Variants in USP30 observed in about 807,000 individuals in gnomAD.
USP30 encodes the protein ubiquitin specific peptidase 30.
Under a neutral mutation model 68.2 loss-of-function variants are expected in USP30, and 41 were observed. That is an observed-to-expected ratio of 0.60 (90% CI 0.47 to 0.78). The LOEUF is 0.78. Among genes scored for constraint, USP30 ranks in the 30% least tolerant of loss-of-function variants. The pLI is 0.00. For missense variants in USP30, 522 were observed against 649.4 expected, an observed-to-expected ratio of 0.80 and a Z score of 2.13; for synonymous variants, 229 against 253.7, an observed-to-expected ratio of 0.90 and a Z score of 0.93.
chr12:109,059,831 T>G (rs1040965434), intron 3 of USP30, among the ~76,000 whole-genome samples: 1 of 152,162 alleles, frequency 6.6e-6, no homozygotes, highest in Non-Finnish European at 1.5e-5. Context: ...TTAAACCAAC[T>G]TTTTGACTGT....
intron 3 of USP30, among the ~76,000 whole-genome samples, chr12:109,045,985 AGT>A (rs1274175262): frequency 6.6e-6 from 1 of 151,426 alleles, no homozygotes; most frequent in Non-Finnish European, 1.5e-5. Flanking sequence ...AAATCTATAG[AGT>A]GTGCCAGAAA....
rs1444582175 is a variant in USP30, at chr12:109,058,138, T to C, written c.376+30T>C. On this transcript the variant is annotated intron_variant, in intron 3 of 12. Coordinates refer to ENST00000257548, the MANE Select transcript of USP30 (RefSeq NM_032663.5). ...CTAGATGGGAATTTCAAGGGAATTATGTACCTTTTCAAAGAAGTCCAGATG... is the reference window on the plus strand; with the variant it reads ...CTAGATGGGAATTTCAAGGGAATTACGTACCTTTTCAAAGAAGTCCAGATG... The C allele has an allele frequency of 2.5e-6, 4 of 1,572,320 alleles. No individual in the cohort carries two copies. In the South Asian group the frequency reaches 4.7e-5, roughly 18 times the overall value.
At chr12:109,034,759 C>A (rs1478664302) in intron 3 of USP30, among the ~76,000 whole-genome samples, 1 of 152,086 alleles carries the variant, frequency 6.6e-6, no homozygotes, top group East Asian at 1.9e-4. Context: ...TCTATTTCTC[C>A]CTTTAATTCT....
At chr12:109,039,104 G>A (rs889828273) in intron 3 of USP30, among the ~76,000 whole-genome samples, 1 of 151,978 alleles carries the variant, frequency 6.6e-6, no homozygotes, top group African/African-American at 2.4e-5. Flanking sequence ...ATTTTGATTA[G>A]ATCCAATGTA....
chr12:109,073,057 T>TAC (rs2041492559), intron 6 of USP30, among the ~76,000 whole-genome samples: 1 of 152,214 alleles, frequency 6.6e-6, no homozygotes, highest in Non-Finnish European at 1.5e-5. Context: ...GCCTAGTTAT[T>TAC]CAGAACTTGC....
chr12:109,026,279 T>C (rs1356059103), intron 2 of USP30, among the ~76,000 whole-genome samples: 2 of 152,056 alleles, frequency 1.3e-5, no homozygotes, highest in Non-Finnish European at 2.9e-5. Context: ...CTTCACTGTG[T>C]TGCCCAGGCT....
rs537995617 is a variant in USP30, at chr12:109,063,392, C to T, written c.377-4132C>T. On this transcript the variant is annotated intron_variant, in intron 3 of 12. Coordinates refer to ENST00000257548, the MANE Select transcript of USP30 (RefSeq NM_032663.5). Reference sequence around the variant, plus strand: ...CTGGGATTACAGGCGTGAGCCACCACGCCAGGCCTAGGCTGAATAATATTC... The same window carrying T: ...CTGGGATTACAGGCGTGAGCCACCATGCCAGGCCTAGGCTGAATAATATTC... Among the ~76,000 whole-genome samples the T allele has an allele frequency of 1.5e-4, 23 of 152,350 alleles. No homozygotes were observed. In the South Asian group the frequency reaches 3.1e-3, roughly 21 times the overall value.
rs2135845527 is a variant in USP30, at chr12:109,086,210, C to T, written c.*279C>T. 1 of 341,696 alleles carries T rather than the reference C, an allele frequency of 2.9e-6. No homozygotes were observed. Among genetic ancestry groups the T allele is most frequent in the Non-Finnish European group, 5.3e-6 (1 of 188,648 alleles). The allele number at this position is 341,696 out of a possible 1,614,324, so 21.2% of individuals were successfully genotyped here. A position where few individuals can be genotyped will look rare whatever the true frequency, so the allele number is the denominator to read the frequency against. On this transcript the variant is annotated 3_prime_UTR_variant, in exon 13 of 13. Transcript: ENST00000257548. ...CATCTGATACAGGTAATTAAAAGAACTCAGATTCTTGAAGCCACCGTTTTC... is the reference window on the plus strand; with the variant it reads ...CATCTGATACAGGTAATTAAAAGAATTCAGATTCTTGAAGCCACCGTTTTC...
chr12:109,057,850 A>C, intron 2 of USP30, 76 bp from the exon 3 acceptor site: 1 of 1,489,054 alleles, frequency 6.7e-7, no homozygotes, highest in Non-Finnish European at 9.1e-7. Context: ...CAGCGCAGGA[A>C]CTCTGGGTCC....
At chr12:109,084,739 A>C (rs905565130) in intron 11 of USP30, among the ~76,000 whole-genome samples, 1 of 152,254 alleles carries the variant, frequency 6.6e-6, no homozygotes, top group Non-Finnish European at 1.5e-5. Flanking sequence ...AGCTGGAGCT[A>C]GATACACTTT....
upstream of USP30, chr12:109,052,204 G>A (rs1055584268): frequency 6.5e-6 from 1 of 153,162 alleles, no homozygotes; most frequent in Non-Finnish European, 1.5e-5. Context: ...CGTCAGAGAT[G>A]GGCCTCATGC....
upstream of USP30, among the ~76,000 whole-genome samples, chr12:109,051,209 G>C (rs891426345): frequency 1.3e-5 from 2 of 148,540 alleles, no homozygotes; most frequent in Non-Finnish European, 3.0e-5. Context: ...AACATATTGG[G>C]TCAAGGAAAA....
intron 9 of USP30, 121 bp downstream of exon 9, chr12:109,082,140 C>T (rs1713962552): frequency 9.8e-7 from 1 of 1,024,410 alleles, no homozygotes; most frequent in African/African-American, 1.6e-5. Context: ...GCCACTTCTA[C>T]TTCTCCCTAA....
chr12:109,044,939 A>G (rs1054063753), intron 3 of USP30, among the ~76,000 whole-genome samples: 3 of 146,088 alleles, frequency 2.1e-5, no homozygotes, highest in African/African-American at 7.5e-5. Context: ...ATGTTTTCTG[A>G]TTATAGTTTT....
rs1316553849 is a variant in USP30 at position 109,067,564 on chromosome 12, T to C, written c.417T>C (p.Asp139=). 1.2e-6 allele frequency: 2 copies of C among 1,614,100 alleles called. No individual in the cohort carries two copies. The highest frequency in any genetic ancestry group is 2.2e-5 in the South Asian group (2 of 91,090). Residue 139 remains aspartate (D), a synonymous_variant, in exon 4 of 13, where the codon GAT becomes GAC. Transcript: ENST00000257548. ...CQEVTDDEVL[D]ASCLLDVLRM... is the part of the protein sequence containing the mutation. ...AAGTTACTGATGATGAGGTCTTAGA[T>C]GCAAGCTGCTTGTTGGATGTCTTAA...
At chr12:109,066,438 C>G (rs1190516613) in intron 3 of USP30, among the ~76,000 whole-genome samples, 1 of 152,126 alleles carries the variant, frequency 6.6e-6, no homozygotes, top group African/African-American at 2.4e-5. Context: ...GTAATCCCAG[C>G]ACTTTGAGAG....
intron 5 of USP30, 35 bp from the exon 6 acceptor site, chr12:109,072,270 G>GT (rs916172656): frequency 1.2e-6 from 2 of 1,600,972 alleles, no homozygotes; most frequent in African/African-American, 2.7e-5. Context: ...TTATAGTAAG[G>GT]TTTTCAGTCT....
chr12:109,080,422 G>A (rs895725252), intron 7 of USP30, among the ~76,000 whole-genome samples: 2 of 152,074 alleles, frequency 1.3e-5, no homozygotes. Flanking sequence ...TCATTCAAAC[G>A]GTTTTGTTTT....
chr12:109,077,102 T>G (rs979753717), intron 7 of USP30, among the ~76,000 whole-genome samples: 1 of 152,180 alleles, frequency 6.6e-6, no homozygotes, highest in African/African-American at 2.4e-5. Context: ...TGCTTTATTG[T>G]TTTTATATAT....
Sources: gnomAD v4.1 joint callset for allele counts (sites outside exome capture counted in the v4.1 genomes callset) on GRCh38, gnomAD v4.1.1 for gene constraint, MANE v1.5 for transcripts, NCBI Gene and HGNC (gene_info 2026-07-23, HGNC 2026-07-21) for gene names.